Variants in PDE8B observed in about 807,000 individuals in gnomAD.
The protein encoded by PDE8B is phosphodiesterase 8B, also known as high affinity cAMP-specific and IBMX-insensitive 3',5'-cyclic phosphodiesterase 8B.
Under a neutral mutation model 101.3 loss-of-function variants are expected in PDE8B, and 26 were observed. That is an observed-to-expected ratio of 0.26 (90% CI 0.19 to 0.36). The LOEUF (loss-of-function observed/expected upper bound fraction) is 0.36. PDE8B is among the 10% of genes least tolerant of loss of function. The pLI, the probability that PDE8B is intolerant of heterozygous loss-of-function variation, is 1.00. For synonymous variants in PDE8B, 424 were observed against 429.3 expected (o/e 0.99, Z 0.15); for missense variants, 810 against 1,163.1 (o/e 0.70, Z 4.42).
chr5:77,235,890 T>A (rs1754576590), intron 1 of PDE8B, among the ~76,000 whole-genome samples: 1 of 151,744 alleles, frequency 6.6e-6, no homozygotes, highest in Non-Finnish European at 1.5e-5. Context: ...AGAAAAAAAA[T>A]TTAACAACCT....
At chr5:77,293,016 T>G (rs1049458287) in intron 1 of PDE8B, among the ~76,000 whole-genome samples, 3 of 152,142 alleles carry the variant, frequency 2.0e-5, no homozygotes, top group African/African-American at 7.2e-5. Context: ...GGAAGTAATT[T>G]GGGTATATGT....
chr5:77,336,461 T>A (rs577196762), intron 5 of PDE8B, among the ~76,000 whole-genome samples: 96 of 152,374 alleles, frequency 6.3e-4, no homozygotes, highest in Non-Finnish European at 1.2e-3. Context: ...AGATATTTCA[T>A]ATACATGGAA....
intron 1 of PDE8B, among the ~76,000 whole-genome samples, chr5:77,236,045 G>A (rs1211461389): frequency 6.6e-6 from 1 of 152,204 alleles, no homozygotes; most frequent in Admixed American, 6.5e-5. Flanking sequence ...ACTCTTAACT[G>A]CTGTGCTGTG....
chr5:77,180,946 C>T, the PDE8B span, among the ~76,000 whole-genome samples: 2 of 150,822 alleles, frequency 1.3e-5, no homozygotes, highest in African/African-American at 2.4e-5. Context: ...TCGCCGGCAG[C>T]CCCAGCGTGG....
At chr5:77,417,883 T>G (rs1795885151) in intron 17 of PDE8B, among the ~76,000 whole-genome samples, 1 of 152,154 alleles carries the variant, frequency 6.6e-6, no homozygotes, top group Non-Finnish European at 1.5e-5. Context: ...CTAGGCAAAT[T>G]GGTAATAGTT....
the PDE8B span, among the ~76,000 whole-genome samples, chr5:77,103,468 T>A: frequency 6.6e-6 from 1 of 152,174 alleles, no homozygotes; most frequent in Non-Finnish European, 1.5e-5. Context: ...AAATTACATA[T>A]TTATAGCACA....
intron 1 of PDE8B, among the ~76,000 whole-genome samples, chr5:77,292,385 A>G (rs1365587938): frequency 1.3e-5 from 2 of 152,232 alleles, no homozygotes; most frequent in Non-Finnish European, 2.9e-5. Flanking sequence ...TTGAAAGAGT[A>G]TCAAACACAC....
chr5:77,151,732 C>T, the PDE8B span, among the ~76,000 whole-genome samples: 1 of 152,216 alleles, frequency 6.6e-6, no homozygotes. Flanking sequence ...TCCTTCCAGA[C>T]AGCTCACTTC....
chr5:77,371,570 T>A (rs1187153236), intron 10 of PDE8B, among the ~76,000 whole-genome samples: 1 of 152,210 alleles, frequency 6.6e-6, no homozygotes, highest in Non-Finnish European at 1.5e-5. Context: ...GTATTCTATG[T>A]CCTTTCAATT....
chr5:77,200,705 A>C, the PDE8B span, among the ~76,000 whole-genome samples: 1 of 152,186 alleles, frequency 6.6e-6, no homozygotes, highest in Admixed American at 6.5e-5. Flanking sequence ...TAGAAGTGCA[A>C]ATTCTCAGGC....
the PDE8B span, among the ~76,000 whole-genome samples, chr5:77,196,548 G>T: frequency 6.6e-6 from 1 of 152,120 alleles, no homozygotes; most frequent in African/African-American, 2.4e-5. Flanking sequence ...GCTTGGTCAT[G>T]GTGTACTACC....
chr5:77,278,271 T>C (rs1468623749), intron 1 of PDE8B, among the ~76,000 whole-genome samples: 1 of 152,218 alleles, frequency 6.6e-6, no homozygotes, highest in South Asian at 2.1e-4. Flanking sequence ...ACCTGACTTC[T>C]GGCTAAAGGG....
intron 10 of PDE8B, among the ~76,000 whole-genome samples, chr5:77,389,556 A>G (rs1460240932): frequency 6.6e-6 from 1 of 152,154 alleles, no homozygotes; most frequent in Non-Finnish European, 1.5e-5. Flanking sequence ...GTTTTGACAA[A>G]GCATATAATA....
the PDE8B span, among the ~76,000 whole-genome samples, chr5:77,100,807 C>T: frequency 1.3e-5 from 2 of 152,016 alleles, no homozygotes; most frequent in African/African-American, 4.8e-5. Flanking sequence ...TGACCTGACC[C>T]TGGTGTTCAG....
At chr5:77,425,574 A>G (rs1797882576) in intron 20 of PDE8B, among the ~76,000 whole-genome samples, 193 bp from the exon 21 acceptor site, 1 of 152,270 alleles carries the variant, frequency 6.6e-6, no homozygotes, top group Admixed American at 6.5e-5. Context: ...AAGAGGCTTG[A>G]GAGTGGGAAG....
chr5:77,197,525 GT>G, the PDE8B span, among the ~76,000 whole-genome samples: 16 of 146,846 alleles, frequency 1.1e-4, no homozygotes, highest in East Asian at 2.0e-4. Flanking sequence ...GATTTAATTT[GT>G]TTTTTTTTTC....
chr5:77,256,184 G>A (rs1053847882), intron 1 of PDE8B, among the ~76,000 whole-genome samples: 2 of 152,076 alleles, frequency 1.3e-5, no homozygotes, highest in African/African-American at 2.4e-5. Context: ...AACAATATGC[G>A]GGTATACAAA....
intron 6 of PDE8B, among the ~76,000 whole-genome samples, chr5:77,342,093 T>G (rs1010029642): frequency 2.0e-5 from 3 of 152,192 alleles, no homozygotes; most frequent in African/African-American, 7.2e-5. Flanking sequence ...TTGAATACAG[T>G]TCTTGGTTTG....
At chr5:77,142,856 C>T in the PDE8B span, among the ~76,000 whole-genome samples, 28 of 151,964 alleles carry the variant, frequency 1.8e-4, no homozygotes, top group Middle Eastern at 3.4e-3. Context: ...TAAAAACAGA[C>T]GCTTTGCTCA....
Sources: gnomAD v4.1 joint callset for allele counts (sites outside exome capture counted in the v4.1 genomes callset) on GRCh38, gnomAD v4.1.1 for gene constraint, MANE v1.5 for transcripts, NCBI Gene and HGNC (gene_info 2026-07-23, HGNC 2026-07-21) for gene names.